CNTNAP2: variants seen among roughly 807,000 people sequenced by gnomAD.
The protein encoded by CNTNAP2 is contactin-associated protein-like 2.
In CNTNAP2, 98 loss-of-function variants were observed where a neutral mutation model predicts 155.2. The ratio of observed to expected loss-of-function variants is 0.63; its 90% CI spans 0.54 to 0.75. The LOEUF (loss-of-function observed/expected upper bound fraction) is 0.75. CNTNAP2 is among the 30% of genes least tolerant of loss of function. The pLI, the probability that CNTNAP2 is intolerant of heterozygous loss-of-function variation, is 0.00. For synonymous variants in CNTNAP2, 651 were observed against 631.2 expected, an observed-to-expected ratio of 1.03 and a Z score of -0.47; for missense variants, 1,727 against 1,688.1, an observed-to-expected ratio of 1.02 and a Z score of -0.40.
chr7:148,409,172 C>T (rs1353372238), intron 22 of CNTNAP2, among the ~76,000 whole-genome samples: 4 of 152,110 alleles, frequency 2.6e-5, no homozygotes, highest in African/African-American at 7.2e-5. Context: ...AGTGGGAAGT[C>T]GTGTTTACCT....
At chr7:146,876,538 C>T (rs892000067) in intron 3 of CNTNAP2, among the ~76,000 whole-genome samples, 1 of 152,120 alleles carries the variant, frequency 6.6e-6, no homozygotes, top group Admixed American at 6.6e-5. Flanking sequence ...AATATTGTAA[C>T]TTTCGTTTGC....
At chr7:148,287,327 G>C (rs932260206) in intron 21 of CNTNAP2, among the ~76,000 whole-genome samples, 1 of 152,028 alleles carries the variant, frequency 6.6e-6, no homozygotes, top group Non-Finnish European at 1.5e-5. Context: ...AGAAACTAAA[G>C]TTTGAACAGC....
At chr7:146,324,262 A>C (rs996026760) in intron 1 of CNTNAP2, among the ~76,000 whole-genome samples, 19 of 152,150 alleles carry the variant, frequency 1.2e-4, no homozygotes, top group African/African-American at 4.3e-4. Context: ...TCTGTCTCAA[A>C]AGCAAAGCAA....
chr7:147,972,442 A>G (rs960917509), intron 14 of CNTNAP2, among the ~76,000 whole-genome samples: 1 of 152,180 alleles, frequency 6.6e-6, no homozygotes, highest in Non-Finnish European at 1.5e-5. Context: ...CTACTTTTTC[A>G]TTAAGCTAAG....
At chr7:146,606,022 A>G (rs1015235596) in intron 1 of CNTNAP2, among the ~76,000 whole-genome samples, 5 of 152,174 alleles carry the variant, frequency 3.3e-5, no homozygotes, top group Non-Finnish European at 7.4e-5. Context: ...CTTAAATGTA[A>G]ACCTCTGATT....
At chr7:147,640,431 G>A (rs1795253751) in intron 13 of CNTNAP2, among the ~76,000 whole-genome samples, 1 of 152,014 alleles carries the variant, frequency 6.6e-6, no homozygotes, top group Non-Finnish European at 1.5e-5. Flanking sequence ...TAATATACTA[G>A]GTACTTATAA....
intron 1 of CNTNAP2, among the ~76,000 whole-genome samples, chr7:146,617,724 A>G (rs1402981843): frequency 6.6e-6 from 1 of 152,256 alleles, no homozygotes; most frequent in Non-Finnish European, 1.5e-5. Flanking sequence ...AGAAATGTAG[A>G]ATTTTGAAAC....
chr7:146,817,958 T>C (rs1397807056), intron 2 of CNTNAP2, among the ~76,000 whole-genome samples: 6 of 152,154 alleles, frequency 3.9e-5, no homozygotes, highest in Non-Finnish European at 8.8e-5. Flanking sequence ...ATATAAGATA[T>C]TGATTGAAAA....
intron 15 of CNTNAP2, among the ~76,000 whole-genome samples, chr7:148,099,968 G>A (rs1040464779): frequency 6.8e-6 from 1 of 146,802 alleles, no homozygotes. Context: ...TGCCTCCTGG[G>A]TTTAAGCAAT....
intron 11 of CNTNAP2, among the ~76,000 whole-genome samples, chr7:147,535,221 C>T (rs1381706594): frequency 1.3e-5 from 2 of 151,988 alleles, no homozygotes; most frequent in African/African-American, 4.8e-5. Flanking sequence ...GGTGAAACCC[C>T]GTCTCTACTA....
Position 146,665,799 on chromosome 7 carries a change from TAC to T in CNTNAP2, c.98-108470_98-108469del, listed in dbSNP as rs1800183609. 6.4e-5 allele frequency among the ~76,000 whole-genome samples: 6 copies of T among 94,138 alleles called. 2 individuals carry two copies. The highest frequency in any genetic ancestry group is 3.6e-4 in the South Asian group (1 of 2,786). 61.8% of individuals were successfully genotyped at this position (94,138 alleles called of 152,430 possible). Reference sequence around the variant, plus strand: ...CTGTCTCATTAAAAAAAAAAAAAAATACATTTTGTAACTGATTTCTATTTTTA... The same window carrying T: ...CTGTCTCATTAAAAAAAAAAAAAAATATTTTGTAACTGATTTCTATTTTTA... On this transcript the variant is annotated intron_variant, in intron 1 of 23. Coordinates refer to ENST00000361727, the MANE Select transcript of CNTNAP2 (RefSeq NM_014141.6).
intron 15 of CNTNAP2, among the ~76,000 whole-genome samples, chr7:147,985,277 A>G (rs10273095): frequency 0.068 from 10,092 of 148,742 alleles, 746 homozygotes; most frequent in African/African-American, 0.19. Flanking sequence ...CTGAACCCCC[A>G]CTGGGGGTGG....
At chr7:148,394,563 G>A (rs1466411380) in intron 22 of CNTNAP2, among the ~76,000 whole-genome samples, 1 of 152,096 alleles carries the variant, frequency 6.6e-6, no homozygotes, top group East Asian at 1.9e-4. Flanking sequence ...TTTTTACTGG[G>A]ATTAAGGTTT....
chr7:146,784,967 C>T, intron 2 of CNTNAP2, among the ~76,000 whole-genome samples: 1 of 140,908 alleles, frequency 7.1e-6, no homozygotes, highest in Non-Finnish European at 1.5e-5. Flanking sequence ...TTCCTTTATC[C>T]CTTTGCTTTT....
chr7:146,781,311 A>G (rs1355820937), intron 2 of CNTNAP2, among the ~76,000 whole-genome samples: 1 of 151,968 alleles, frequency 6.6e-6, no homozygotes, highest in East Asian at 1.9e-4. Flanking sequence ...GTACCTATGT[A>G]ACAAACCTAC....
intron 9 of CNTNAP2, among the ~76,000 whole-genome samples, chr7:147,330,438 G>A (rs945754771): frequency 2.6e-5 from 4 of 152,054 alleles, no homozygotes; most frequent in African/African-American, 9.7e-5. Flanking sequence ...GCAAATTATT[G>A]AACCCTAGGA....
chr7:147,144,297 A>T (rs1801656613), intron 8 of CNTNAP2, among the ~76,000 whole-genome samples: 1 of 152,210 alleles, frequency 6.6e-6, no homozygotes, highest in Admixed American at 6.5e-5. Context: ...TTACGTGTGG[A>T]CACGGAGAAG....
intron 8 of CNTNAP2, among the ~76,000 whole-genome samples, chr7:147,286,510 AAAT>A (rs1381164015): frequency 6.6e-6 from 1 of 152,060 alleles, no homozygotes; most frequent in African/African-American, 2.4e-5. Context: ...AACGTAAGAA[AAAT>A]AATCTGAAAA....
intron 3 of CNTNAP2, among the ~76,000 whole-genome samples, chr7:146,953,715 C>A (rs1210358624): frequency 6.6e-6 from 1 of 151,706 alleles, no homozygotes; most frequent in Admixed American, 6.6e-5. Flanking sequence ...CTTTTTATTC[C>A]CCATTTCTAG....
Sources: gnomAD v4.1 joint callset for allele counts (sites outside exome capture counted in the v4.1 genomes callset) on GRCh38, gnomAD v4.1.1 for gene constraint, MANE v1.5 for transcripts, NCBI Gene and HGNC (gene_info 2026-07-23, HGNC 2026-07-21) for gene names.